RIN2: variants seen among roughly 807,000 people sequenced by gnomAD.
RIN2 encodes the protein Ras and Rab interactor 2.
Under a neutral mutation model 78.0 loss-of-function variants are expected in RIN2, and 36 were observed. The observed-to-expected ratio is 0.46, with a 90% CI of 0.35 to 0.61. The LOEUF is 0.61. RIN2 is among the 20% of genes least tolerant of loss of function. RIN2 has a pLI of 0.00. For synonymous variants in RIN2, 466 were observed against 466.8 expected, an observed-to-expected ratio of 1.00 and a Z score of 0.02; for missense variants, 1,087 against 1,159.7, an observed-to-expected ratio of 0.94 and a Z score of 0.91.
chr20:19,909,195 G>A (rs2039355461), intron 3 of RIN2, among the ~76,000 whole-genome samples: 1 of 152,004 alleles, frequency 6.6e-6, no homozygotes, highest in Non-Finnish European at 1.5e-5. Context: ...AACCCACTGA[G>A]GCCCATAAAA....
At chr20:19,768,910 T>G (rs1275509907) in intron 1 of RIN2, among the ~76,000 whole-genome samples, 2 of 150,792 alleles carry the variant, frequency 1.3e-5, no homozygotes, top group Non-Finnish European at 2.9e-5. Context: ...GGAAATACTT[T>G]GCTTTCTGTT....
rs554721960 is a variant in RIN2 at position 20,001,244 on chromosome 20, A to T, written c.*308A>T. On this transcript the variant is annotated 3_prime_UTR_variant, in exon 13 of 13. Coordinates refer to ENST00000255006, the MANE Select transcript of RIN2 (RefSeq NM_018993.4). Reference sequence around the variant, plus strand: ...GCTTACAGGTATGTATATGTGCAGAAGAAACACTTAAGATACAAGTTCTTT... The same window carrying T: ...GCTTACAGGTATGTATATGTGCAGATGAAACACTTAAGATACAAGTTCTTT... The T allele has an allele frequency of 2.0e-5, 6 of 293,174 alleles. No homozygotes were observed. Among genetic ancestry groups the T allele is most frequent in the Non-Finnish European group, 3.8e-5 (6 of 156,262 alleles). 18.2% of individuals were successfully genotyped at this position (293,174 alleles called of 1,614,324 possible). A position where few individuals can be genotyped will look rare whatever the true frequency, so the allele number is the denominator to read the frequency against.
intron 2 of RIN2, among the ~76,000 whole-genome samples, chr20:19,804,784 A>G (rs998553825): frequency 2.0e-5 from 3 of 152,078 alleles, no homozygotes; most frequent in Non-Finnish European, 4.4e-5. Context: ...TACCAGCTCC[A>G]CTTTGTACCT....
chr20:19,987,899 A>G (rs539078124), intron 9 of RIN2, among the ~76,000 whole-genome samples: 5 of 152,310 alleles, frequency 3.3e-5, no homozygotes, highest in African/African-American at 1.2e-4. Context: ...TTGGAAGAGG[A>G]GAAAGAAAAA....
At chr20:19,954,701 CCCCTCACCCCTGTGT>C (rs1254952332) in intron 4 of RIN2, among the ~76,000 whole-genome samples, 142 of 118,042 alleles carry the variant, frequency 1.2e-3, no homozygotes, top group African/African-American at 5.3e-3. Flanking sequence ...CTGCCCTGTG[CCCCTCACCCCTGTGT>C]CCCTCACCCC....
intron 4 of RIN2, 112 bp from the exon 5 acceptor site, chr20:19,956,503 C>T (rs1229302587): frequency 3.3e-6 from 3 of 898,826 alleles, no homozygotes; most frequent in Non-Finnish European, 5.3e-6. Flanking sequence ...GGGGCGATCA[C>T]AAGATGGGGT....
intron 6 of RIN2, among the ~76,000 whole-genome samples, chr20:19,963,727 G>T (rs2041841803): frequency 2.6e-5 from 4 of 152,120 alleles, no homozygotes; most frequent in Admixed American, 2.0e-4. Flanking sequence ...AGGAATATCA[G>T]TGTGAGTTGC....
At chr20:19,844,593 G>GCTGCTGCTGCTGCTGCTGCTGCTT (rs1568806843) in intron 2 of RIN2, among the ~76,000 whole-genome samples, 4 of 64,066 alleles carry the variant, frequency 6.2e-5, no homozygotes, top group African/African-American at 2.1e-4. Flanking sequence ...TGCTGCTGCT[G>GCTGCTGCTGCTGCTGCTGCTGCTT]CTTCTTCCTC....
At position 19,874,968 on chromosome 20, in the gene RIN2, C is replaced by G. The variant is rs956226908; in HGVS notation, c.-36-14598C>G. Among the ~76,000 whole-genome samples, 10 of 152,038 alleles carry G rather than the reference C, an allele frequency of 6.6e-5. 1 individual carries two copies. In the South Asian group the frequency reaches 2.1e-3, roughly 32 times the overall value. ...CTCCTCCTCTTGGGTTCAAGCGATT[C>G]TCATGCCTCAGCCTCCTGAGGAGCT... On this transcript the variant is annotated intron_variant, in intron 2 of 12. Coordinates refer to ENST00000255006, the MANE Select transcript of RIN2 (RefSeq NM_018993.4).
chr20:19,963,321 A>G (rs904958371), intron 6 of RIN2, among the ~76,000 whole-genome samples: 5 of 152,052 alleles, frequency 3.3e-5, no homozygotes, highest in Non-Finnish European at 5.9e-5. Flanking sequence ...TAATACAAAA[A>G]AGCGAAGAAG....
At chr20:19,830,170 T>C (rs921391656) in intron 2 of RIN2, among the ~76,000 whole-genome samples, 2 of 152,218 alleles carry the variant, frequency 1.3e-5, no homozygotes, top group Non-Finnish European at 2.9e-5. Flanking sequence ...TTTTAAAATA[T>C]CATTTTTATG....
intron 1 of RIN2, among the ~76,000 whole-genome samples, chr20:19,797,947 G>T (rs1338327118): frequency 6.7e-6 from 1 of 149,844 alleles, no homozygotes; most frequent in Non-Finnish European, 1.5e-5. Context: ...CGCCTGCCAG[G>T]TTCACACCAT....
At chr20:19,815,465 T>C (rs2035737593) in intron 2 of RIN2, among the ~76,000 whole-genome samples, 2 of 152,248 alleles carry the variant, frequency 1.3e-5, no homozygotes, top group African/African-American at 4.8e-5. Flanking sequence ...TTTCTTTTTA[T>C]GGAACTACAT....
At position 19,889,675 on chromosome 20, in the gene RIN2, A is replaced by G; in HGVS notation, c.57+17A>G. On this transcript the variant is annotated intron_variant, in intron 3 of 12. Transcript: ENST00000255006. The stretch of plus-strand genomic sequence containing the variant: ...TTCTTTAAGGTAAAAGGAAGCCTTG[A>G]TTGGGATCTCAACTCGTCGGCTTGC... 1 of 1,476,900 alleles carries G rather than the reference A, an allele frequency of 6.8e-7. No individual in the cohort carries two copies. The highest frequency in any genetic ancestry group is 9.1e-7 in the Non-Finnish European group (1 of 1,104,206). The allele number at this position is 1,476,900 out of a possible 1,614,324, so 91.5% of individuals were successfully genotyped here.
chr20:19,893,654 A>T (rs1485275796), intron 3 of RIN2, among the ~76,000 whole-genome samples: 2 of 152,182 alleles, frequency 1.3e-5, no homozygotes, highest in South Asian at 2.1e-4. Context: ...GTTACTGTGG[A>T]ATCGCATCCC....
intron 5 of RIN2, among the ~76,000 whole-genome samples, chr20:19,959,183 C>A (rs1242750129): frequency 1.1e-4 from 17 of 152,200 alleles, no homozygotes; most frequent in Admixed American, 1.1e-3. Flanking sequence ...CAACTTTACT[C>A]AGAAACAGAT....
rs2034841456 is a variant in RIN2 at position 19,790,093 on chromosome 20, C to G, written c.-162-9529C>G. On this transcript the variant is annotated intron_variant, in intron 1 of 12. Coordinates refer to ENST00000255006, the MANE Select transcript of RIN2 (RefSeq NM_018993.4). ...ATTGAACAGAAGGCTTGAAGGTGATCTGGCCTCTATAGACCATCATTTCCC... is the reference window on the plus strand; with the variant it reads ...ATTGAACAGAAGGCTTGAAGGTGATGTGGCCTCTATAGACCATCATTTCCC... 3.3e-5 allele frequency among the ~76,000 whole-genome samples: 5 copies of G among 152,306 alleles called. No individual in the cohort carries two copies. In the South Asian group the frequency reaches 8.3e-4, roughly 25 times the overall value.
At chr20:19,860,637 T>G (rs564416895) in intron 2 of RIN2, among the ~76,000 whole-genome samples, 41 of 152,300 alleles carry the variant, frequency 2.7e-4, no homozygotes, top group African/African-American at 9.4e-4. Context: ...AATTCTAAGC[T>G]AATTTTCAGA....
chr20:19,879,213 G>T (rs537264625), intron 2 of RIN2, among the ~76,000 whole-genome samples: 1 of 152,332 alleles, frequency 6.6e-6, no homozygotes, highest in East Asian at 1.9e-4. Flanking sequence ...CACAATTGCT[G>T]CCACCAAAAC....
Sources: allele counts gnomAD v4.1 joint callset (sites outside exome capture counted in the v4.1 genomes callset), GRCh38; gene constraint gnomAD v4.1.1; transcripts MANE v1.5; gene names NCBI Gene and HGNC (gene_info 2026-07-23, HGNC 2026-07-21).